The following WTIP variants were observed in gnomAD, a reference collection of about 807,000 sequenced individuals.
The protein encoded by WTIP is Wilms tumor protein 1-interacting protein.
In WTIP, 23 loss-of-function variants were observed where a neutral mutation model predicts 41.7. That is an observed-to-expected ratio of 0.55 (90% CI 0.40 to 0.78). The LOEUF is 0.78. Ranked by LOEUF, WTIP falls within the 30% of genes least tolerant of loss-of-function variation. The pLI is 0.00. For synonymous variants in WTIP, 314 were observed against 269.9 expected (o/e 1.16, Z -1.60); for missense variants, 619 against 610.5 (o/e 1.01, Z -0.15).
Position 34,493,592 on chromosome 19 carries a change from A to T in WTIP, c.1001A>T (p.Asn334Ile), listed in dbSNP as rs1441940771. ...DGVPFTVDVE[N>I]NIYCVRDYHT... ...GTTCCCTTCACCGTGGACGTGGAGAACAACATCTACTGCGTGCGAGACTAT... is the reference window on the plus strand; with the variant it reads ...GTTCCCTTCACCGTGGACGTGGAGATCAACATCTACTGCGTGCGAGACTAT... Residue 334 changes from asparagine to isoleucine, a missense_variant, in exon 5 of 8, where the codon AAC (asparagine) becomes ATC (isoleucine). Asn to Ile is a moderately radical substitution (Grantham distance 149, BLOSUM62 -3). This residue lies in a region of WTIP where 164 missense variants were observed against 219.1 expected (regional missense o/e 0.75). Transcript: ENST00000590071. This position sits in a 1 kb window ranked among gnomAD's most constrained non-coding sequence, Gnocchi z 4.1. The T allele has an allele frequency of 1.2e-6, 2 of 1,613,592 alleles. No homozygotes were observed. Among genetic ancestry groups the T allele is most frequent in the Non-Finnish European group, 1.7e-6 (2 of 1,179,886 alleles).
At position 34,493,598 on chromosome 19, in the gene WTIP, TCTA is replaced by T. The variant is rs757689656; in HGVS notation, c.1010_1012del (p.Tyr337del). On this transcript the variant is annotated inframe_deletion, in exon 5 of 8. Transcript: ENST00000590071. The surrounding 1 kb of genome is among the most constrained non-coding windows in gnomAD (Gnocchi z 4.1). ...TTCACCGTGGACGTGGAGAACAACA[TCTA>T]CTGCGTGCGAGACTATCACACGTGA... is the stretch of plus-strand genomic sequence containing the variant. 6.2e-7 allele frequency: 1 copy of T among 1,613,518 alleles called. No individual in the cohort carries two copies. Among genetic ancestry groups the T allele is most frequent in the East Asian group, 2.2e-5 (1 of 44,858 alleles).
Position 34,497,990 on chromosome 19 carries a change from TG to T in WTIP, c.1153-2135del, listed in dbSNP as rs370759325. 1.6e-3 allele frequency among the ~76,000 whole-genome samples: 249 copies of T among 152,182 alleles called. 1 individual carries two copies. Among genetic ancestry groups the T allele is most frequent in the African/African-American group, 5.8e-3 (239 of 41,526 alleles). ...GCTGTGCTGCCGCGAGGCTGTTGGA[TG>T]GGGACTGATACCTCCGGGACCCCGC... is the stretch of plus-strand genomic sequence containing the variant. On this transcript the variant is annotated intron_variant, in intron 7 of 7. Transcript: ENST00000590071.
intron 6 of WTIP, among the ~76,000 whole-genome samples, chr19:34,495,185 C>G (rs962414433): frequency 2.0e-5 from 3 of 152,176 alleles, no homozygotes; most frequent in Non-Finnish European, 4.4e-5. Context: ...TGCTTGAAGC[C>G]AGGAGTTTGA....
At position 34,482,578 on chromosome 19, in the gene WTIP, C is replaced by G; in HGVS notation, c.604C>G (p.Leu202Val). 1 of 1,230,210 alleles carries G rather than the reference C, an allele frequency of 8.1e-7. No individual in the cohort carries two copies. 76.2% of individuals were successfully genotyped at this position (1,230,210 alleles called of 1,614,324 possible). A position where few individuals can be genotyped will look rare whatever the true frequency, so the allele number is the denominator to read the frequency against. The stretch of plus-strand genomic sequence containing the variant: ...CGGCCCAAGCGCGGCCGAGCGGCGG[C>G]TGGAGGCGCTCACCCGGGAGCTGGA... Reference protein sequence around the residue: ...EGGPSAAERRLEALTRELERA... With the variant: ...EGGPSAAERRVEALTRELERA... Residue 202 changes from leucine (L) to valine (V), a missense_variant, in exon 1 of 8, where the codon CTG (leucine) becomes GTG (valine). Physicochemically the swap from Leu to Val is conservative, Grantham distance 32. Transcript: ENST00000590071.
At chr19:34,482,714 G>A in intron 1 of WTIP, 73 bp downstream of exon 1, 1 of 1,210,338 alleles carries the variant, frequency 8.3e-7, no homozygotes, top group Non-Finnish European at 1.0e-6. Flanking sequence ...CCTCGGGTAG[G>A]CGGCCGGATC....
intron 7 of WTIP, among the ~76,000 whole-genome samples, chr19:34,499,216 TAAAC>T (rs770472976): frequency 1.0e-4 from 14 of 135,216 alleles, no homozygotes; most frequent in Middle Eastern, 5.1e-3. Context: ...CCCTGTCTAA[TAAAC>T]AAAAAACAGG....
Position 34,482,406 on chromosome 19 carries a change from T to G in WTIP, c.432T>G (p.Val144=), listed in dbSNP as rs895375333. The change falls in exon 1 of 8, where the codon GTT becomes GTG. Residue 144 remains valine, a synonymous_variant. Coordinates refer to ENST00000590071, the MANE Select transcript of WTIP (RefSeq NM_001080436.2). ...PPSVGSARSS[V]SSLGSRGSAG... ...CGGTGGGCAGCGCCCGCTCCAGCGT[T>G]TCCAGCCTCGGCTCCCGGGGCTCGG... is the stretch of plus-strand genomic sequence containing the variant. The G allele has an allele frequency of 7.3e-7, 1 of 1,364,322 alleles. No individual in the cohort carries two copies. The highest frequency in any genetic ancestry group is 9.5e-7 in the Non-Finnish European group (1 of 1,056,234). The allele number at this position is 1,364,322 out of a possible 1,614,324, so 84.5% of individuals were successfully genotyped here. A position where few individuals can be genotyped will look rare whatever the true frequency, so the allele number is the denominator to read the frequency against.
rs2075878842 is a variant in WTIP, at chr19:34,500,391, G to T, written c.*122G>T. 1 of 1,314,778 alleles carries T rather than the reference G, an allele frequency of 7.6e-7. No individual in the cohort carries two copies. The allele number at this position is 1,314,778 out of a possible 1,614,324, so 81.4% of individuals were successfully genotyped here. On this transcript the variant is annotated 3_prime_UTR_variant, in exon 8 of 8. Coordinates refer to ENST00000590071, the MANE Select transcript of WTIP (RefSeq NM_001080436.2). ...TCAGTTTCCCACCGAGCTGCTGTCT[G>T]CAGGGGCCGGACCCCCGCGTGGAAG...
At chr19:34,492,965 G>A in intron 2 of WTIP, 72 bp from the exon 3 acceptor site, 1 of 1,523,528 alleles carries the variant, frequency 6.6e-7, no homozygotes, top group East Asian at 2.3e-5. Flanking sequence ...GGAGGGTGCT[G>A]AGAGCTGGAA....
chr19:34,482,347 C>A lies in WTIP; in HGVS notation c.373C>A (p.Arg125Ser). Reference sequence around the variant, plus strand: ...GCGCCACGGCAGCCCGCGCTCCGGTCGCTCGGACCCGCGTCCCGGTCCCGG... The same window carrying A: ...GCGCCACGGCAGCCCGCGCTCCGGTAGCTCGGACCCGCGTCCCGGTCCCGG... ...DQRHGSPRSGRSDPRPGPGPP... is the reference protein window; with the variant it reads ...DQRHGSPRSGSSDPRPGPGPP... Residue 125 changes from arginine (R) to serine (S), a missense_variant, in exon 1 of 8, where the codon CGC becomes AGC. Arg to Ser is a moderately radical substitution (Grantham distance 110). Transcript: ENST00000590071. 1 of 1,384,718 alleles carries A rather than the reference C, an allele frequency of 7.2e-7. No homozygotes were observed. Among genetic ancestry groups the A allele is most frequent in the South Asian group, 1.4e-5 (1 of 70,368 alleles). The allele number at this position is 1,384,718 out of a possible 1,614,324, so 85.8% of individuals were successfully genotyped here.
At chr19:34,491,980 C>T (rs1036501369) in intron 2 of WTIP, among the ~76,000 whole-genome samples, 1 of 152,084 alleles carries the variant, frequency 6.6e-6, no homozygotes, top group Non-Finnish European at 1.5e-5. Flanking sequence ...CTGTATGTCC[C>T]CCATCACATT....
In WTIP at chr19:34,482,344, G is replaced by T. The variant is rs1250283617; in HGVS notation, c.370G>T (p.Gly124Cys). The T allele has an allele frequency of 3.6e-6, 5 of 1,386,366 alleles. No homozygotes were observed. The highest frequency in any genetic ancestry group is 1.4e-5 in the South Asian group (1 of 70,836). 85.9% of individuals were successfully genotyped at this position (1,386,366 alleles called of 1,614,324 possible). The change falls in exon 1 of 8, where the codon GGT becomes TGT. Residue 124 changes from glycine to cysteine, a missense_variant. Gly to Cys is a radical substitution (Grantham distance 159, BLOSUM62 -3). This residue lies in a region of WTIP where 363 missense variants were observed against 309.0 expected (regional missense o/e 1.17). Transcript: ENST00000590071. ...CCAGCGCCACGGCAGCCCGCGCTCC[G>T]GTCGCTCGGACCCGCGTCCCGGTCC... is the stretch of plus-strand genomic sequence containing the variant. ...YDQRHGSPRS[G>C]RSDPRPGPGP...
chr19:34,491,678 G>C (rs569099331), intron 2 of WTIP, among the ~76,000 whole-genome samples: 55 of 150,620 alleles, frequency 3.7e-4, no homozygotes, highest in African/African-American at 1.3e-3. Context: ...ACAGAGTCTC[G>C]CTCTCCCCGA....
chr19:34,510,209 C>T lies in WTIP; in HGVS notation c.*9940C>T, dbSNP rs1165324535. On this transcript the variant is annotated 3_prime_UTR_variant, in exon 8 of 8. Coordinates refer to ENST00000590071, the MANE Select transcript of WTIP (RefSeq NM_001080436.2). ...GAGGTTCTCCAAGAGGGCCCCTCCCCTGCAGCAAACTTTTGCCTGGGCATC... is the reference window on the plus strand; with the variant it reads ...GAGGTTCTCCAAGAGGGCCCCTCCCTTGCAGCAAACTTTTGCCTGGGCATC... 6.6e-6 allele frequency: 1 copy of T among 152,238 alleles called. No homozygotes were observed. The allele number at this position is 152,238 out of a possible 1,614,324, so 9.4% of individuals were successfully genotyped here.
In WTIP at chr19:34,500,452, A is replaced by C; in HGVS notation, c.*183A>C. ...TTCACCGTCTGTGCCTGCTCAAGTC[A>C]CTTCCCTGCGGGCCCTGCCTCCCAC... is the stretch of plus-strand genomic sequence containing the variant. On this transcript the variant is annotated 3_prime_UTR_variant, in exon 8 of 8. Transcript: ENST00000590071. 2.3e-6 allele frequency: 2 copies of C among 862,068 alleles called. No homozygotes were observed. Among genetic ancestry groups the C allele is most frequent in the Non-Finnish European group, 1.7e-6 (1 of 605,656 alleles). The allele number at this position is 862,068 out of a possible 1,614,324, so 53.4% of individuals were successfully genotyped here.
chr19:34,499,311 A>G (rs2075871892), intron 7 of WTIP, among the ~76,000 whole-genome samples: 2 of 152,114 alleles, frequency 1.3e-5, no homozygotes, highest in Middle Eastern at 3.4e-3. Flanking sequence ...GGAGTTCTAG[A>G]CCAGCCTGAG....
rs1254261696 is a variant in WTIP, at chr19:34,493,609, C to T, written c.1018C>T (p.Arg340Ter). The change falls in exon 5 of 8, where the codon CGA becomes TGA. Residue 340 changes from arginine (R) to a stop codon, truncating the protein, a stop_gained. Coordinates refer to ENST00000590071, the MANE Select transcript of WTIP (RefSeq NM_001080436.2). LOFTEE classifies it high-confidence loss of function. This position sits in a 1 kb window ranked among gnomAD's most constrained non-coding sequence, Gnocchi z 4.1. ...VDVENNIYCV[R>*]DYHTVFAPKC... ...CGTGGAGAACAACATCTACTGCGTG[C>T]GAGACTATCACACGTGAGTTGCTGG... is the stretch of plus-strand genomic sequence containing the variant. 4.3e-6 allele frequency: 7 copies of T among 1,613,308 alleles called. 1 individual carries two copies. Among genetic ancestry groups the T allele is most frequent in the Middle Eastern group, 1.6e-4 (1 of 6,084 alleles).
chr19:34,491,933 C>T (rs760431296), intron 2 of WTIP, among the ~76,000 whole-genome samples: 25 of 152,184 alleles, frequency 1.6e-4, no homozygotes, highest in Non-Finnish European at 2.6e-4. Flanking sequence ...CGTGAGCCAC[C>T]GCGCCTGGCC....
chr19:34,500,037 T>A (rs2145611307), intron 7 of WTIP, 92 bp from the exon 8 acceptor site: 1 of 1,520,400 alleles, frequency 6.6e-7, no homozygotes, highest in South Asian at 1.3e-5. Context: ...ACCCTGCAGA[T>A]CTGCCCCTCC....
Sources: allele counts gnomAD v4.1 joint callset (sites outside exome capture counted in the v4.1 genomes callset), GRCh38; gene constraint gnomAD v4.1.1; regional missense constraint gnomAD v4.1.1; non-coding constraint Gnocchi (gnomAD v3.1); transcripts MANE v1.5; gene names NCBI Gene and HGNC (gene_info 2026-07-23, HGNC 2026-07-21).